Variants in ADGRG5 observed in about 807,000 individuals in gnomAD.
The protein encoded by ADGRG5 is adhesion G protein-coupled receptor G5.
A neutral mutation model predicts 53.2 loss-of-function variants in ADGRG5; 37 were observed. The ratio of observed to expected loss-of-function variants is 0.70; its 90% CI spans 0.53 to 0.91. The LOEUF is 0.91. ADGRG5 is among the 40% of genes least tolerant of loss of function. ADGRG5 has a pLI of 0.00. For missense variants in ADGRG5, 614 were observed against 675.8 expected (o/e 0.91, Z 1.01); for synonymous variants, 277 against 290.4 (o/e 0.95, Z 0.47).
chr16:57,567,463 C>A lies in ADGRG5; in HGVS notation c.700-7C>A. The A allele has an allele frequency of 2.5e-6, 4 of 1,606,514 alleles. No individual in the cohort carries two copies. Among genetic ancestry groups the A allele is most frequent in the Non-Finnish European group, 3.4e-6 (4 of 1,179,722 alleles). On this transcript the variant is annotated splice_region_variant and splice_polypyrimidine_tract_variant and intron_variant, in intron 7 of 11. Transcript: ENST00000349457. ...TTCTGGCCTCCAGCCCCTCTTCCCTCCTGCAGCAACTCTCCCCAGCCCTGG... is the reference window on the plus strand; with the variant it reads ...TTCTGGCCTCCAGCCCCTCTTCCCTACTGCAGCAACTCTCCCCAGCCCTGG...
chr16:57,554,271 G>C (rs2032822378), intron 1 of ADGRG5, among the ~76,000 whole-genome samples: 1 of 151,564 alleles, frequency 6.6e-6, no homozygotes, highest in Non-Finnish European at 1.5e-5. Flanking sequence ...TTATCATTCT[G>C]CCTAGAGACT....
At chr16:57,537,435 G>A in the ADGRG5 span, among the ~76,000 whole-genome samples, 1 of 152,198 alleles carries the variant, frequency 6.6e-6, no homozygotes, top group East Asian at 1.9e-4. Context: ...TTTACCCCGT[G>A]ATTAACGGAG....
upstream of ADGRG5, among the ~76,000 whole-genome samples, chr16:57,540,159 C>T (rs182877993): frequency 3.9e-4 from 60 of 152,244 alleles, no homozygotes; most frequent in African/African-American, 1.4e-3. Context: ...AGGAGAATAG[C>T]TTGAACCTGG....
At chr16:57,544,413 G>A (rs534739513) in intron 1 of ADGRG5, among the ~76,000 whole-genome samples, 2 of 152,166 alleles carry the variant, frequency 1.3e-5, no homozygotes, top group South Asian at 4.1e-4. Context: ...GTTGCAAGCA[G>A]AAGTGAAGAC....
chr16:57,555,585 T>C (rs1301248592), intron 1 of ADGRG5, among the ~76,000 whole-genome samples: 1 of 152,194 alleles, frequency 6.6e-6, no homozygotes, highest in Admixed American at 6.5e-5. Flanking sequence ...GGTTTGTCAA[T>C]TTCTCCTTTT....
the ADGRG5 span, among the ~76,000 whole-genome samples, chr16:57,533,377 G>A: frequency 6.6e-6 from 1 of 152,018 alleles, no homozygotes; most frequent in African/African-American, 2.4e-5. Flanking sequence ...TAGACCCAAG[G>A]GCAGCCAGAC....
chr16:57,568,778 C>G, intron 9 of ADGRG5, among the ~76,000 whole-genome samples: 1 of 147,944 alleles, frequency 6.8e-6, no homozygotes, highest in South Asian at 2.2e-4. Context: ...ACCTCTGTCA[C>G]CTCCATCACT....
At chr16:57,546,579 A>T (rs1264925000) in intron 1 of ADGRG5, among the ~76,000 whole-genome samples, 1 of 152,186 alleles carries the variant, frequency 6.6e-6, no homozygotes, top group Non-Finnish European at 1.5e-5. Context: ...AACATTACAT[A>T]TGGCCTTCTT....
upstream of ADGRG5, among the ~76,000 whole-genome samples, chr16:57,538,087 C>T (rs1317680704): frequency 1.3e-5 from 2 of 152,052 alleles, no homozygotes; most frequent in African/African-American, 2.4e-5. Flanking sequence ...ACCTGAACTC[C>T]AGCTATAACC....
chr16:57,552,610 C>T (rs1350510330), intron 1 of ADGRG5, among the ~76,000 whole-genome samples: 3 of 152,114 alleles, frequency 2.0e-5, no homozygotes, highest in Non-Finnish European at 4.4e-5. Flanking sequence ...GAACGTTGGC[C>T]GGGGGCTGGT....
chr16:57,531,843 C>T, the ADGRG5 span, among the ~76,000 whole-genome samples: 1 of 152,254 alleles, frequency 6.6e-6, no homozygotes, highest in South Asian at 2.1e-4. Context: ...GTTCCCTCCA[C>T]TGCTTTGCCC....
upstream of ADGRG5, among the ~76,000 whole-genome samples, chr16:57,538,513 A>G (rs1201207624): frequency 6.6e-6 from 1 of 152,192 alleles, no homozygotes; most frequent in Non-Finnish European, 1.5e-5. Flanking sequence ...GGCAGAGGCC[A>G]GAGGATCGTC....
intron 10 of ADGRG5, among the ~76,000 whole-genome samples, chr16:57,573,930 C>T (rs1208510331): frequency 6.6e-6 from 1 of 152,162 alleles, no homozygotes; most frequent in Admixed American, 6.5e-5. Context: ...CCATGTTGGC[C>T]AGGATGGTCT....
rs769880817 is a variant in ADGRG5 at position 57,575,492 on chromosome 16, C to A, written c.1541C>A (p.Ala514Asp). ...CAGCGGTGCCGCTCAGAAGCAGAGG[C>A]CAAGGCACAGATAGAGGCCTTCAGC... is the stretch of plus-strand genomic sequence containing the variant. ...CSQRCRSEAE[A>D]KAQIEAFSSS... is the part of the protein sequence containing the mutation. The change falls in exon 12 of 12, where the codon GCC becomes GAC. Residue 514 changes from alanine to aspartate, a missense_variant. Transcript: ENST00000349457. 13 of 1,614,104 alleles carry A rather than the reference C, an allele frequency of 8.1e-6. No homozygotes were observed. In the East Asian group the frequency reaches 2.2e-4, roughly 28 times the overall value.
intron 6 of ADGRG5, 156 bp downstream of exon 6, chr16:57,565,306 T>C (rs2033106762): frequency 1.1e-5 from 7 of 647,914 alleles, no homozygotes; most frequent in Admixed American, 2.5e-5. Flanking sequence ...GAGAGAAGTT[T>C]TTACTCATGC....
chr16:57,544,704 C>T (rs1306345307), intron 1 of ADGRG5, among the ~76,000 whole-genome samples: 1 of 152,206 alleles, frequency 6.6e-6, no homozygotes, highest in African/African-American at 2.4e-5. Flanking sequence ...TCCTCCACTA[C>T]TGGGCCTGAG....
At chr16:57,573,491 T>C (rs948317033) in intron 10 of ADGRG5, among the ~76,000 whole-genome samples, 69 of 150,736 alleles carry the variant, frequency 4.6e-4, no homozygotes, top group Admixed American at 9.9e-4. Flanking sequence ...CAGAGATTGA[T>C]TGAAAATGAA....
chr16:57,571,572 A>G (rs777715355), intron 10 of ADGRG5, among the ~76,000 whole-genome samples: 6 of 152,162 alleles, frequency 3.9e-5, no homozygotes, highest in Non-Finnish European at 7.4e-5. Flanking sequence ...AGGCAAGTAC[A>G]TAATCATCCC....
intron 1 of ADGRG5, among the ~76,000 whole-genome samples, chr16:57,550,619 G>A (rs2146763694): frequency 6.6e-6 from 1 of 152,230 alleles, no homozygotes; most frequent in East Asian, 1.9e-4. Context: ...TTTTTTCCAA[G>A]GAGTTTTACA....
Sources: allele counts gnomAD v4.1 joint callset (sites outside exome capture counted in the v4.1 genomes callset), GRCh38; gene constraint gnomAD v4.1.1; transcripts MANE v1.5; gene names NCBI Gene and HGNC (gene_info 2026-07-23, HGNC 2026-07-21).